The following FEZ1 variants were observed in gnomAD, a reference collection of about 807,000 sequenced individuals.
FEZ1 encodes the protein fasciculation and elongation protein zeta 1.
FEZ1 carries 20 observed loss-of-function variants against 49.3 expected under a neutral mutation model. That is an observed-to-expected ratio of 0.41 (90% CI 0.29 to 0.59). The LOEUF (loss-of-function observed/expected upper bound fraction) is 0.59. Among genes scored for constraint, FEZ1 ranks in the 20% least tolerant of loss-of-function variants. The pLI is 0.36. For missense variants in FEZ1, 413 were observed against 476.0 expected (o/e 0.87, Z 1.23); for synonymous variants, 170 against 180.9 (o/e 0.94, Z 0.48).
intron 3 of FEZ1, among the ~76,000 whole-genome samples, chr11:125,469,312 G>T (rs1957162904): frequency 6.6e-6 from 1 of 152,190 alleles, no homozygotes; most frequent in Admixed American, 6.5e-5. Context: ...AGACTGAAGG[G>T]GAGTGGCTTG....
chr11:125,466,241 G>A (rs187620521), intron 3 of FEZ1, among the ~76,000 whole-genome samples: 3 of 152,230 alleles, frequency 2.0e-5, no homozygotes, highest in Non-Finnish European at 4.4e-5. Flanking sequence ...AGCACTTTGG[G>A]AGGCCGAGAT....
At chr11:125,457,403 TAAAAAAAAA>T (rs141594971) in intron 5 of FEZ1, among the ~76,000 whole-genome samples, 654 of 35,072 alleles carry the variant, frequency 0.019, 12 homozygotes, top group Middle Eastern at 0.083. Flanking sequence ...GTTTCTACTT[TAAAAAAAAA>T]AAAAAAAAAA....
chr11:125,464,424 G>A (rs768220124), intron 3 of FEZ1, among the ~76,000 whole-genome samples: 6 of 152,026 alleles, frequency 3.9e-5, no homozygotes, highest in African/African-American at 9.7e-5. Flanking sequence ...TGATTTGAAC[G>A]TCATACAAGG....
At chr11:125,473,251 G>A (rs577815012) in intron 3 of FEZ1, among the ~76,000 whole-genome samples, 120 of 152,280 alleles carry the variant, frequency 7.9e-4, no homozygotes, top group African/African-American at 2.8e-3. Context: ...GCACATACAT[G>A]ATCAATTGAT....
intron 3 of FEZ1, among the ~76,000 whole-genome samples, chr11:125,479,377 C>T (rs1053966698): frequency 7.9e-5 from 12 of 152,226 alleles, no homozygotes; most frequent in African/African-American, 2.9e-4. Context: ...TTAGACCCAT[C>T]CAACTCTATC....
rs1956877465 is a variant in FEZ1 at position 125,444,257 on chromosome 11, C to T, written c.*1838G>A. ...TCCTGGGGGGATAAGTCTCCGCCAC[C>T]CCTAGCTAAGATTGCTAGTGTTCTG... On this transcript the variant is annotated 3_prime_UTR_variant, in exon 10 of 10. Coordinates refer to ENST00000278919, the MANE Select transcript of FEZ1 (RefSeq NM_005103.5). 1.3e-5 allele frequency among the ~76,000 whole-genome samples: 2 copies of T among 152,288 alleles called. No individual in the cohort carries two copies. The highest frequency in any genetic ancestry group is 4.8e-5 in the African/African-American group (2 of 41,558).
chr11:125,476,995 C>T (rs1957238752), intron 3 of FEZ1, among the ~76,000 whole-genome samples: 1 of 152,056 alleles, frequency 6.6e-6, no homozygotes, highest in Admixed American at 6.5e-5. Context: ...AGCTGTGCAG[C>T]TGATCTAGCG....
chr11:125,454,119 A>G lies in FEZ1; in HGVS notation c.1020+11T>C, dbSNP rs780534780. 1 of 1,605,588 alleles carries G rather than the reference A, an allele frequency of 6.2e-7. No individual in the cohort carries two copies. Among genetic ancestry groups the G allele is most frequent in the Admixed American group, 1.7e-5 (1 of 59,634 alleles). ...TAGGAAGAGAGCTTGGAGCAGGGAGACTACGCGTACCTGTTTGTCAGTTCC... is the reference window on the plus strand; with the variant it reads ...TAGGAAGAGAGCTTGGAGCAGGGAGGCTACGCGTACCTGTTTGTCAGTTCC... On this transcript the variant is annotated intron_variant, in intron 7 of 9. Coordinates refer to ENST00000278919, the MANE Select transcript of FEZ1 (RefSeq NM_005103.5).
intron 3 of FEZ1, among the ~76,000 whole-genome samples, chr11:125,479,421 C>T (rs76837351): frequency 0.025 from 3,756 of 152,282 alleles, 82 homozygotes; most frequent in Admixed American, 0.066. Flanking sequence ...GACAGCCCTT[C>T]CTGACGATAA....
chr11:125,457,996 T>C (rs1411391348), intron 5 of FEZ1, among the ~76,000 whole-genome samples: 1 of 152,176 alleles, frequency 6.6e-6, no homozygotes, highest in Non-Finnish European at 1.5e-5. Flanking sequence ...TTCACAAGTC[T>C]TTTGCTGAAC....
In FEZ1 at chr11:125,443,937, C is replaced by A. The variant is rs1252619312; in HGVS notation, c.*2158G>T. ...GGGGAAAGGAGTGGCTGACCCAGATCTGACAAATCCAAGGCAGGAAGAAAA... is the reference window on the plus strand; with the variant it reads ...GGGGAAAGGAGTGGCTGACCCAGATATGACAAATCCAAGGCAGGAAGAAAA... On this transcript the variant is annotated 3_prime_UTR_variant, in exon 10 of 10. Coordinates refer to ENST00000278919, the MANE Select transcript of FEZ1 (RefSeq NM_005103.5). Among the ~76,000 whole-genome samples the A allele has an allele frequency of 2.6e-5, 4 of 152,218 alleles. No individual in the cohort carries two copies. The highest frequency in any genetic ancestry group is 9.6e-5 in the African/African-American group (4 of 41,452).
chr11:125,447,141 C>G (rs1163235060), intron 9 of FEZ1, among the ~76,000 whole-genome samples: 6 of 152,176 alleles, frequency 3.9e-5, no homozygotes, highest in Admixed American at 3.9e-4. Context: ...ATATATGTCA[C>G]CCCATGGAAG....
At chr11:125,486,337 C>CA (rs1957326648) in intron 2 of FEZ1, among the ~76,000 whole-genome samples, 6 of 152,164 alleles carry the variant, frequency 3.9e-5, no homozygotes, top group African/African-American at 1.4e-4. Context: ...GTAGTGACCC[C>CA]TAAGAGGCTG....
chr11:125,458,767 G>T (rs1957043223), intron 5 of FEZ1, among the ~76,000 whole-genome samples: 1 of 152,172 alleles, frequency 6.6e-6, no homozygotes, highest in Non-Finnish European at 1.5e-5. Context: ...GGAGGTTACT[G>T]CTTTGAAATA....
chr11:125,452,374 G>A lies in FEZ1; in HGVS notation c.1056C>T (p.Ala352=), dbSNP rs1448446965. ...GCAGGTCTTCCACTGAGGGAGGAGA[G>A]GCTTTCTTCTCGTAAGGAATGACTG... ...LNTVIPYEKK[A]SPPSVEDLQM... Residue 352 remains alanine, a synonymous_variant, in exon 8 of 10, where the codon GCC becomes GCT. Coordinates refer to ENST00000278919, the MANE Select transcript of FEZ1 (RefSeq NM_005103.5). The A allele has an allele frequency of 5.0e-6, 8 of 1,613,280 alleles. No homozygotes were observed. Among genetic ancestry groups the A allele is most frequent in the Non-Finnish European group, 6.8e-6 (8 of 1,179,218 alleles).
intron 5 of FEZ1, among the ~76,000 whole-genome samples, chr11:125,457,643 TG>T (rs1353675210): frequency 6.6e-6 from 1 of 151,722 alleles, no homozygotes; most frequent in Admixed American, 6.6e-5. Context: ...TTTTAATTTT[TG>T]TGGGTACATA....
At chr11:125,452,258 G>T (rs1195257489) in intron 8 of FEZ1, 76 bp downstream of exon 8, 5 of 990,626 alleles carry the variant, frequency 5.0e-6, no homozygotes, top group Non-Finnish European at 4.9e-6. Context: ...TCGGGCCTGC[G>T]GCACGGAGGT....
Position 125,495,275 on chromosome 11 carries a change from C to T in FEZ1, c.-46+846G>A. 4 of 432,782 alleles carry T rather than the reference C, an allele frequency of 9.2e-6. No individual in the cohort carries two copies. The highest frequency in any genetic ancestry group is 1.9e-5 in the Non-Finnish European group (4 of 206,094). The allele number at this position is 432,782 out of a possible 1,614,324, so 26.8% of individuals were successfully genotyped here. A position where few individuals can be genotyped will look rare whatever the true frequency, so the allele number is the denominator to read the frequency against. ...TCCCGTGCAGGCCGCATACACACTC[C>T]ACTGCCCTTCCGGCCAAACAAGCCC... is the stretch of plus-strand genomic sequence containing the variant. On this transcript the variant is annotated intron_variant, in intron 1 of 9. Coordinates refer to ENST00000278919, the MANE Select transcript of FEZ1 (RefSeq NM_005103.5). This position sits in a 1 kb window ranked among gnomAD's most constrained non-coding sequence, Gnocchi z 4.2.
At chr11:125,484,860 T>C (rs1278816688) in intron 2 of FEZ1, among the ~76,000 whole-genome samples, 1 of 152,002 alleles carries the variant, frequency 6.6e-6, no homozygotes, top group East Asian at 1.9e-4. Flanking sequence ...CACAGGCAGA[T>C]GCTGGCAGCC....
Sources: allele counts gnomAD v4.1 joint callset (sites outside exome capture counted in the v4.1 genomes callset), GRCh38; gene constraint gnomAD v4.1.1; non-coding constraint Gnocchi (gnomAD v3.1); transcripts MANE v1.5; gene names NCBI Gene and HGNC (gene_info 2026-07-23, HGNC 2026-07-21).